LRRC69: variants seen among roughly 807,000 people sequenced by gnomAD.
LRRC69 encodes leucine rich repeat containing 69, also known as leucine-rich repeat-containing protein 69.
Under a neutral mutation model 37.8 loss-of-function variants are expected in LRRC69, and 42 were observed. The observed-to-expected ratio is 1.11, with a 90% CI of 0.87 to 1.44. The LOEUF is 1.44. Ranked by LOEUF, LRRC69 falls within the 40% of genes most tolerant of loss-of-function variation. The pLI is 0.00. For missense variants in LRRC69, 357 were observed against 401.9 expected (o/e 0.89, Z 0.96); for synonymous variants, 141 against 143.1 (o/e 0.99, Z 0.11).
intron 6 of LRRC69, among the ~76,000 whole-genome samples, chr8:91,200,217 T>C (rs919633535): frequency 1.3e-5 from 2 of 152,208 alleles, no homozygotes; most frequent in Admixed American, 1.3e-4. Flanking sequence ...GTAGTTAGGA[T>C]TTAGACCTTA....
chr8:91,157,344 C>T lies in LRRC69; in HGVS notation c.651+21605C>T, dbSNP rs1006347488. On this transcript the variant is annotated intron_variant, in intron 5 of 7. Coordinates refer to ENST00000448384, the Ensembl canonical transcript of LRRC69. ...AAACATTCACCTATGAATGGACTGTCCCCAAAGAAGTAGGACCCACTAATG... is the reference window on the plus strand; with the variant it reads ...AAACATTCACCTATGAATGGACTGTTCCCAAAGAAGTAGGACCCACTAATG... 7.5e-6 allele frequency: 12 copies of T among 1,608,440 alleles called. No homozygotes were observed. In the African/African-American group the frequency reaches 1.3e-4, roughly 18 times the overall value.
chr8:91,102,862 G>T lies in LRRC69; in HGVS notation c.183+18G>T. 6.5e-7 allele frequency: 1 copy of T among 1,530,724 alleles called. No homozygotes were observed. 94.8% of individuals were successfully genotyped at this position (1,530,724 alleles called of 1,614,324 possible). Reference sequence around the variant, plus strand: ...TGACCCAGGTGAGGAACAGTGTTTTGCTGTTGTGGTTTGGTATTGAAGATG... The same window carrying T: ...TGACCCAGGTGAGGAACAGTGTTTTTCTGTTGTGGTTTGGTATTGAAGATG... On this transcript the variant is annotated intron_variant, in intron 1 of 7. Coordinates refer to ENST00000448384, the Ensembl canonical transcript of LRRC69.
intron 5 of LRRC69, among the ~76,000 whole-genome samples, chr8:91,161,832 T>C (rs1465907942): frequency 1.3e-5 from 2 of 151,432 alleles, no homozygotes; most frequent in African/African-American, 4.8e-5. Context: ...TTCTAGATCC[T>C]TGAGGTGCAT....
intron 1 of LRRC69, among the ~76,000 whole-genome samples, chr8:91,104,456 A>G (rs1813272700): frequency 6.6e-6 from 1 of 152,018 alleles, no homozygotes; most frequent in Non-Finnish European, 1.5e-5. Flanking sequence ...ATCTATGATT[A>G]TATTTTCTTT....
rs1808871378 is a variant in LRRC69 at position 91,158,242 on chromosome 8, C to T, written c.651+22503C>T. The T allele has an allele frequency of 7.0e-6, 11 of 1,578,048 alleles. No homozygotes were observed. In the Admixed American group the frequency reaches 1.7e-4, roughly 24 times the overall value. ...CTGTGGATCAAGTTAAGGATCTCTA[C>T]AGTGGATTAATTGGCCCCCTGATTG... On this transcript the variant is annotated intron_variant, in intron 5 of 7. Transcript: ENST00000448384.
intron 7 of LRRC69, among the ~76,000 whole-genome samples, chr8:91,205,117 C>T (rs993195446): frequency 6.6e-6 from 1 of 151,272 alleles, no homozygotes; most frequent in African/African-American, 2.4e-5. Context: ...CTTTTCAGGG[C>T]AAAAATAGAA....
chr8:91,115,397 A>T (rs1181837168), intron 1 of LRRC69, among the ~76,000 whole-genome samples: 4 of 152,012 alleles, frequency 2.6e-5, no homozygotes, highest in Non-Finnish European at 5.9e-5. Flanking sequence ...TAGCTCATAC[A>T]TGCATAGTCA....
chr8:91,123,225 G>A (rs1327030384), intron 1 of LRRC69, among the ~76,000 whole-genome samples: 1 of 152,018 alleles, frequency 6.6e-6, no homozygotes, highest in Non-Finnish European at 1.5e-5. Context: ...AGATAAATTT[G>A]TGTCGTTCTA....
At chr8:91,180,866 G>C (rs1809312192) in intron 5 of LRRC69, among the ~76,000 whole-genome samples, 1 of 152,160 alleles carries the variant, frequency 6.6e-6, no homozygotes, top group Non-Finnish European at 1.5e-5. Flanking sequence ...GTGAGAGATG[G>C]AAGTGGGGAA....
At chr8:91,210,702 T>C (rs1459681069) in intron 7 of LRRC69, among the ~76,000 whole-genome samples, 1 of 152,074 alleles carries the variant, frequency 6.6e-6, no homozygotes, top group African/African-American at 2.4e-5. Flanking sequence ...AGAGAATACA[T>C]TTTTATGAAT....
At chr8:91,208,832 G>A (rs1436765524) in intron 7 of LRRC69, among the ~76,000 whole-genome samples, 1 of 152,138 alleles carries the variant, frequency 6.6e-6, no homozygotes, top group Non-Finnish European at 1.5e-5. Context: ...GAAGCTCCGT[G>A]GTAGTGTCTA....
intron 5 of LRRC69, among the ~76,000 whole-genome samples, chr8:91,184,374 T>C (rs1450618142): frequency 2.0e-5 from 3 of 152,204 alleles, no homozygotes; most frequent in Non-Finnish European, 4.4e-5. Context: ...GAAATTCCTA[T>C]AAGAATTACT....
At chr8:91,164,392 G>T (rs999820489) in intron 5 of LRRC69, among the ~76,000 whole-genome samples, 1 of 151,666 alleles carries the variant, frequency 6.6e-6, no homozygotes. Flanking sequence ...TTTAGGAAAA[G>T]CTGGCAAGGA....
At chr8:91,216,625 G>A (rs2130655748) in intron 7 of LRRC69, among the ~76,000 whole-genome samples, 1 of 152,182 alleles carries the variant, frequency 6.6e-6, no homozygotes, top group Middle Eastern at 3.4e-3. Flanking sequence ...GGGTGAGACG[G>A]TTGTCTAGTA....
At chr8:91,207,367 T>C (rs1348568481) in intron 7 of LRRC69, among the ~76,000 whole-genome samples, 1 of 152,192 alleles carries the variant, frequency 6.6e-6, no homozygotes, top group African/African-American at 2.4e-5. Context: ...ATATAGTAGG[T>C]GCTTAATAAG....
intron 3 of LRRC69, among the ~76,000 whole-genome samples, chr8:91,128,930 T>C (rs1354032656): frequency 6.6e-6 from 1 of 152,044 alleles, no homozygotes; most frequent in Admixed American, 6.6e-5. Flanking sequence ...GTATATTTAA[T>C]GCAGAGGAGG....
chr8:91,105,857 A>C (rs1034931706), intron 1 of LRRC69, among the ~76,000 whole-genome samples: 1 of 151,982 alleles, frequency 6.6e-6, no homozygotes, highest in Non-Finnish European at 1.5e-5. Flanking sequence ...AATGAGGACC[A>C]TCTGTGTCTC....
intron 5 of LRRC69, among the ~76,000 whole-genome samples, chr8:91,170,003 C>T (rs62526709): frequency 0.44 from 28,748 of 65,316 alleles, 6,451 homozygotes; most frequent in Middle Eastern, 0.66. Flanking sequence ...TGTGTCTTTA[C>T]AGCAGCATGA....
At chr8:91,169,744 A>G (rs1450091897) in intron 5 of LRRC69, among the ~76,000 whole-genome samples, 1 of 129,716 alleles carries the variant, frequency 7.7e-6, no homozygotes, top group Non-Finnish European at 1.6e-5. Flanking sequence ...TCATTGTTCA[A>G]TTCCCACCTA....
Sources: gnomAD v4.1 joint callset for allele counts (sites outside exome capture counted in the v4.1 genomes callset) on GRCh38, gnomAD v4.1.1 for gene constraint, MANE v1.5 for transcripts, NCBI Gene and HGNC (gene_info 2026-07-23, HGNC 2026-07-21) for gene names.